MSRB1: variants seen among roughly 807,000 people sequenced by gnomAD.
MSRB1 encodes methionine-R-sulfoxide reductase B1.
MSRB1 carries 13 observed loss-of-function variants against 15.2 expected under a neutral mutation model. The observed-to-expected ratio is 0.86, with a 90% confidence interval of 0.56 to 1.36. The LOEUF is 1.36. MSRB1 is among the 40% of genes most tolerant of loss of function. The pLI is 0.00. For synonymous variants in MSRB1, 68 were observed against 64.5 expected (o/e 1.05, Z -0.26); for missense variants, 174 against 155.9 (o/e 1.12, Z -0.62).
chr16:1,943,078 C>T, intron 1 of MSRB1, 24 bp downstream of exon 1: 1 of 1,552,304 alleles, frequency 6.4e-7, no homozygotes, highest in Non-Finnish European at 8.7e-7. Context: ...CGCTGCCCTC[C>T]CAGCGAGAGG....
chr16:1,941,373 G>C lies in MSRB1; in HGVS notation c.88C>G (p.Leu30Val). Residue 30 changes from leucine to valine, a missense_variant, in exon 2 of 4, where the codon CTG (leucine) becomes GTG (valine). Coordinates refer to ENST00000361871, the MANE Select transcript of MSRB1 (RefSeq NM_016332.4). The part of the protein sequence containing the change: ...VYVCAKCGYE[L>V]FSSRSKYAHS... ...GCATACTTCGAGCGGCTGGAGAACAGCTCATAGCCACACTTGGCACACACG... is the reference window on the plus strand; with the variant it reads ...GCATACTTCGAGCGGCTGGAGAACACCTCATAGCCACACTTGGCACACACG... 4.3e-6 allele frequency: 7 copies of C among 1,613,660 alleles called. No homozygotes were observed. The highest frequency in any genetic ancestry group is 1.1e-5 in the South Asian group (1 of 91,020).
intron 1 of MSRB1, among the ~76,000 whole-genome samples, chr16:1,942,527 G>T (rs888230073): frequency 2.0e-5 from 3 of 152,376 alleles, no homozygotes; most frequent in East Asian, 1.9e-4. Context: ...GGCACTCCTG[G>T]TTCCCCAATT....
chr16:1,941,961 G>A (rs1190142981), intron 1 of MSRB1: 5 of 153,606 alleles, frequency 3.3e-5, no homozygotes, highest in African/African-American at 2.4e-5. Context: ...GGAAGAAAGA[G>A]GGCTGGGGAC....
chr16:1,941,099 G>A (rs1305406960), intron 2 of MSRB1, 158 bp downstream of exon 2: 7 of 1,551,154 alleles, frequency 4.5e-6, no homozygotes, highest in Admixed American at 3.9e-5. Context: ...AGGCTCTCCC[G>A]ATAGCCTGGG....
chr16:1,941,163 T>C, intron 2 of MSRB1, 94 bp downstream of exon 2: 1 of 1,571,330 alleles, frequency 6.4e-7, no homozygotes, highest in South Asian at 1.2e-5. Context: ...TCTAAGCCCC[T>C]GGAGCTGTGG....
chr16:1,940,937 C>T, intron 2 of MSRB1, 45 bp from the exon 3 acceptor site: 2 of 1,612,846 alleles, frequency 1.2e-6, no homozygotes, highest in Non-Finnish European at 1.7e-6. Context: ...GGCCATGATA[C>T]AGCCACAGTG....
At chr16:1,941,567 C>T (rs1160467831) in intron 1 of MSRB1, 162 bp from the exon 2 acceptor site, 4 of 938,870 alleles carry the variant, frequency 4.3e-6, no homozygotes, top group Non-Finnish European at 3.1e-6. Flanking sequence ...GTGCTGAGCT[C>T]ACGTTTAGTA....
intron 1 of MSRB1, among the ~76,000 whole-genome samples, chr16:1,942,811 A>T (rs9928139): frequency 0.3 from 45,273 of 151,594 alleles, 7,197 homozygotes; most frequent in East Asian, 0.44. Context: ...TACCACCCCC[A>T]CGTATCCCGA....
intron 2 of MSRB1, 152 bp from the exon 3 acceptor site, chr16:1,941,044 C>A (rs765645165): frequency 5.2e-6 from 8 of 1,551,852 alleles, no homozygotes; most frequent in Admixed American, 2.0e-5. Context: ...TCCTGGAGCC[C>A]GTACAGGAAA....
In MSRB1 at chr16:1,941,215, C is replaced by A. The variant is rs371570452; in HGVS notation, c.204+42G>T. Reference sequence around the variant, plus strand: ...AAGGTGGGACTGGCTCTCTGCTCTCCCTGGCCGCCCCCGTCCCTCCCCCAC... The same window carrying A: ...AAGGTGGGACTGGCTCTCTGCTCTCACTGGCCGCCCCCGTCCCTCCCCCAC... On this transcript the variant is annotated intron_variant, in intron 2 of 3. Transcript: ENST00000361871. 21 of 1,609,720 alleles carry A rather than the reference C, an allele frequency of 1.3e-5. No homozygotes were observed. In the African/African-American group the frequency reaches 2.7e-4, roughly 20 times the overall value.
chr16:1,942,839 C>T (rs1409709453), intron 1 of MSRB1, among the ~76,000 whole-genome samples: 1 of 152,176 alleles, frequency 6.6e-6, no homozygotes, highest in Non-Finnish European at 1.5e-5. Context: ...GACCCACCCC[C>T]GAAACGGCAC....
chr16:1,942,789 G>A (rs950570850), intron 1 of MSRB1, among the ~76,000 whole-genome samples: 2 of 152,192 alleles, frequency 1.3e-5, no homozygotes, highest in African/African-American at 4.8e-5. Flanking sequence ...AGTGTAGGGG[G>A]TAGGGAAGGG....
chr16:1,941,174 G>T, intron 2 of MSRB1, 83 bp downstream of exon 2: 1 of 1,580,934 alleles, frequency 6.3e-7, no homozygotes, highest in Admixed American at 1.8e-5. Context: ...GGAGCTGTGG[G>T]GCAAGCAGAG....
At chr16:1,942,679 G>A (rs1228205760) in intron 1 of MSRB1, among the ~76,000 whole-genome samples, 2 of 152,250 alleles carry the variant, frequency 1.3e-5, no homozygotes, top group African/African-American at 4.8e-5. Flanking sequence ...GGGATGACCC[G>A]CGAAGGGGCG....
chr16:1,940,007 C>CA (rs2083066109), intron 3 of MSRB1, among the ~76,000 whole-genome samples: 2 of 151,376 alleles, frequency 1.3e-5, no homozygotes, highest in Non-Finnish European at 2.9e-5. Flanking sequence ...CGTGGTGGCT[C>CA]ATGCCTATAA....
chr16:1,942,419 G>T (rs969806021), intron 1 of MSRB1, among the ~76,000 whole-genome samples: 9 of 152,260 alleles, frequency 5.9e-5, no homozygotes, highest in Admixed American at 3.9e-4. Context: ...CAGCCCAGAA[G>T]GGATTCATCA....
chr16:1,941,744 G>A (rs1041678223), intron 1 of MSRB1: 10 of 281,678 alleles, frequency 3.6e-5, no homozygotes, highest in African/African-American at 1.3e-4. Flanking sequence ...ATGAGGACAC[G>A]GAGCTCCCCC....
chr16:1,941,404 G>T lies in MSRB1; in HGVS notation c.57C>A (p.Gly19=). 2 of 1,609,760 alleles carry T rather than the reference G, an allele frequency of 1.2e-6. No individual in the cohort carries two copies. The highest frequency in any genetic ancestry group is 1.7e-6 in the Non-Finnish European group (2 of 1,177,888). ...AGCCACACTTGGCACACACGTAAAC[G>T]CCTGTGGTGGAAGGAGAGGCAAATG... ...GEVFQNHFEP[G]VYVCAKCGYE... The change falls in exon 2 of 4, where the codon GGC becomes GGA. Residue 19 remains glycine, a splice_region_variant and synonymous_variant. Coordinates refer to ENST00000361871, the MANE Select transcript of MSRB1 (RefSeq NM_016332.4).
chr16:1,939,751 C>G (rs1233050023), intron 3 of MSRB1, among the ~76,000 whole-genome samples: 1 of 151,950 alleles, frequency 6.6e-6, no homozygotes, highest in Admixed American at 6.6e-5. Context: ...GTCAGGAGTT[C>G]CAGACCAGCC....
Sources: gnomAD v4.1 joint callset for allele counts (sites outside exome capture counted in the v4.1 genomes callset) on GRCh38, gnomAD v4.1.1 for gene constraint, MANE v1.5 for transcripts, NCBI Gene and HGNC (gene_info 2026-07-23, HGNC 2026-07-21) for gene names.